Variants in ABTB2 observed in about 807,000 individuals in gnomAD.
The protein encoded by ABTB2 is ankyrin repeat and BTB domain containing 2.
Under a neutral mutation model 104.1 loss-of-function variants are expected in ABTB2, and 56 were observed. The observed-to-expected ratio is 0.54, with a 90% CI of 0.43 to 0.67. The LOEUF (loss-of-function observed/expected upper bound fraction) is 0.67, where lower values mean the gene tolerates loss of function less well. ABTB2 is among the 30% of genes least tolerant of loss of function. ABTB2 has a pLI of 0.00. For missense variants in ABTB2, 1,279 were observed against 1,407.7 expected (o/e 0.91, Z 1.46); for synonymous variants, 606 against 608.2 (o/e 1.00, Z 0.05).
At chr11:34,244,561 A>T (rs1181959626) in intron 1 of ABTB2, among the ~76,000 whole-genome samples, 1 of 152,150 alleles carries the variant, frequency 6.6e-6, no homozygotes, top group African/African-American at 2.4e-5. Context: ...ATTTCATTTA[A>T]TTTCATTTAC....
chr11:34,350,163 C>T (rs377117439), intron 1 of ABTB2, among the ~76,000 whole-genome samples: 4 of 152,178 alleles, frequency 2.6e-5, no homozygotes, highest in African/African-American at 4.8e-5. Context: ...TTTGCTACAT[C>T]GCTGACTCAT....
chr11:34,355,231 A>G (rs1248237152), intron 1 of ABTB2, among the ~76,000 whole-genome samples: 1 of 152,212 alleles, frequency 6.6e-6, no homozygotes, highest in African/African-American at 2.4e-5. Context: ...TCAAAAAACA[A>G]AGCATAAGAT....
chr11:34,288,586 C>T (rs996138221), intron 1 of ABTB2, among the ~76,000 whole-genome samples: 5 of 152,010 alleles, frequency 3.3e-5, no homozygotes, highest in Admixed American at 3.3e-4. Flanking sequence ...TCTTCCATTG[C>T]CTCATTAGTC....
At chr11:34,327,789 T>C (rs1485432798) in intron 1 of ABTB2, among the ~76,000 whole-genome samples, 1 of 152,166 alleles carries the variant, frequency 6.6e-6, no homozygotes, top group Non-Finnish European at 1.5e-5. Flanking sequence ...AGAAACCAAA[T>C]GATCCTGCCT....
intron 1 of ABTB2, among the ~76,000 whole-genome samples, chr11:34,317,686 T>C (rs1486165894): frequency 6.9e-6 from 1 of 145,372 alleles, no homozygotes; most frequent in Non-Finnish European, 1.5e-5. Context: ...CACTTGAGCC[T>C]GGGAGGCGGA....
At chr11:34,162,460 G>T in intron 10 of ABTB2, 116 bp downstream of exon 10, 1 of 1,148,898 alleles carries the variant, frequency 8.7e-7, no homozygotes, top group Non-Finnish European at 1.2e-6. Context: ...CTGCCCTGGG[G>T]CTTGTCTGTC....
chr11:34,172,209 C>T (rs920063219), intron 4 of ABTB2, among the ~76,000 whole-genome samples: 11 of 151,482 alleles, frequency 7.3e-5, no homozygotes, highest in Non-Finnish European at 1.2e-4. Context: ...CCAGTCTCTA[C>T]TAAAAATACA....
intron 1 of ABTB2, among the ~76,000 whole-genome samples, chr11:34,309,320 T>C (rs78930400): frequency 0.049 from 7,488 of 152,316 alleles, 213 homozygotes; most frequent in Non-Finnish European, 0.065. Context: ...GTCAGCTGGG[T>C]TCAGTGGTTA....
intron 3 of ABTB2, chr11:34,189,139 A>G (rs1473941841): frequency 6.6e-6 from 1 of 152,224 alleles, no homozygotes; most frequent in African/African-American, 2.4e-5. Context: ...ATTTGCCTAG[A>G]TAAACAACAA....
At chr11:34,219,739 T>C (rs1853593908) in intron 1 of ABTB2, among the ~76,000 whole-genome samples, 1 of 152,296 alleles carries the variant, frequency 6.6e-6, no homozygotes, top group East Asian at 1.9e-4. Context: ...ATATACCATA[T>C]AGCCTAGGTG....
chr11:34,316,908 A>G (rs1013118270), intron 1 of ABTB2, among the ~76,000 whole-genome samples: 7 of 152,178 alleles, frequency 4.6e-5, no homozygotes, highest in Non-Finnish European at 8.8e-5. Flanking sequence ...TAATGACCTC[A>G]CTGGGGAAGC....
At chr11:34,293,063 G>A (rs1010784127) in intron 1 of ABTB2, among the ~76,000 whole-genome samples, 1 of 152,188 alleles carries the variant, frequency 6.6e-6, no homozygotes, top group African/African-American at 2.4e-5. Flanking sequence ...AGTGAGGGCT[G>A]TGCCTCAGAC....
chr11:34,182,536 T>C (rs1307901484), intron 3 of ABTB2, among the ~76,000 whole-genome samples: 2 of 146,756 alleles, frequency 1.4e-5, no homozygotes, highest in Non-Finnish European at 3.0e-5. Context: ...TTAAAACTCA[T>C]CTGGTACAGA....
In ABTB2 at chr11:34,154,236, G is replaced by A. The variant is rs1164477690; in HGVS notation, c.2880+29C>T. ...CCGTGGAGCAGAGCATGTGGTGGGA[G>A]GTGGCCAGCAGGCATCCTTGGCCCT... On this transcript the variant is annotated intron_variant, in intron 16 of 16. Transcript: ENST00000435224. This position sits in a 1 kb window ranked among gnomAD's most constrained non-coding sequence, Gnocchi z 4.9. 1 of 1,559,090 alleles carries A rather than the reference G, an allele frequency of 6.4e-7. No individual in the cohort carries two copies. The highest frequency in any genetic ancestry group is 1.1e-5 in the South Asian group (1 of 89,490).
chr11:34,282,453 A>T (rs868436945), intron 1 of ABTB2, among the ~76,000 whole-genome samples: 1 of 152,242 alleles, frequency 6.6e-6, no homozygotes, highest in Non-Finnish European at 1.5e-5. Flanking sequence ...GAAAATATCT[A>T]TATGCACATC....
intron 1 of ABTB2, among the ~76,000 whole-genome samples, chr11:34,273,516 C>A (rs1300500192): frequency 1.3e-5 from 2 of 152,140 alleles, no homozygotes; most frequent in Non-Finnish European, 2.9e-5. Flanking sequence ...ACAACAGCAT[C>A]CCCAGGCATT....
chr11:34,203,503 C>G (rs748297920), intron 2 of ABTB2, among the ~76,000 whole-genome samples: 2 of 152,160 alleles, frequency 1.3e-5, no homozygotes, highest in Non-Finnish European at 2.9e-5. Flanking sequence ...GGAGATGAAA[C>G]CAGAACCCAC....
chr11:34,267,423 C>A (rs970314294), intron 1 of ABTB2, among the ~76,000 whole-genome samples: 5 of 152,176 alleles, frequency 3.3e-5, no homozygotes, highest in African/African-American at 7.2e-5. Flanking sequence ...TCACTCCCTG[C>A]CCCCATCCCA....
chr11:34,164,575 TG>T (rs746518000), intron 9 of ABTB2, 110 bp downstream of exon 9: 65 of 1,282,758 alleles, frequency 5.1e-5, no homozygotes, highest in Non-Finnish European at 6.3e-5. Context: ...CCCCCTGTTT[TG>T]GGAAAGGTCT....
Sources: gnomAD v4.1 joint callset for allele counts (sites outside exome capture counted in the v4.1 genomes callset) on GRCh38, gnomAD v4.1.1 for gene constraint, Gnocchi (gnomAD v3.1) non-coding constraint, MANE v1.5 for transcripts, NCBI Gene and HGNC (gene_info 2026-07-23, HGNC 2026-07-21) for gene names.